The following ANOS1 variants were observed in gnomAD, a reference collection of about 807,000 sequenced individuals.
The protein encoded by ANOS1 is anosmin 1, also known as anosmin-1.
Under a neutral mutation model 59.0 loss-of-function variants are expected in ANOS1, and 6 were observed. That is an observed-to-expected ratio of 0.10 (90% CI 0.06 to 0.20). ANOS1 has a LOEUF of 0.20. ANOS1 is among the 10% of genes least tolerant of loss of function. ANOS1 has a pLI of 1.00. For synonymous variants in ANOS1, 217 were observed against 223.4 expected, an observed-to-expected ratio of 0.97 and a Z score of 0.25; for missense variants, 433 against 542.3, an observed-to-expected ratio of 0.80 and a Z score of 2.00.
intron 3 of ANOS1, among the ~76,000 whole-genome samples, chrX:8,600,930 C>T (rs1391116559): frequency 1.8e-5 from 2 of 112,079 alleles, no homozygotes; most frequent in Non-Finnish European, 3.8e-5. Flanking sequence ...GTGGCTCACG[C>T]CTGTAATCCC....
chrX:8,711,477 A>C (rs1230539882), intron 1 of ANOS1, among the ~76,000 whole-genome samples: 1 of 113,048 alleles, frequency 8.8e-6, no homozygotes, highest in Non-Finnish European at 1.9e-5. Context: ...GTAAGCTCTC[A>C]GAAAAATTAA....
intron 3 of ANOS1, among the ~76,000 whole-genome samples, chrX:8,618,780 T>C (rs1601982630): frequency 9.0e-6 from 1 of 111,555 alleles, no homozygotes; most frequent in African/African-American, 3.3e-5. Flanking sequence ...TTTTTGAAAA[T>C]AAGAGAACAG....
At chrX:8,566,309 G>A (rs1433046021) in intron 8 of ANOS1, 5 of 705,234 alleles carry the variant, frequency 7.1e-6, no homozygotes, top group South Asian at 7.3e-5. Flanking sequence ...ATACATCATC[G>A]TGCTAGGAAT....
chrX:8,564,086 T>C (rs1930073251), intron 8 of ANOS1, among the ~76,000 whole-genome samples: 1 of 111,499 alleles, frequency 9.0e-6, no homozygotes, highest in African/African-American at 3.3e-5. Context: ...GGTAGAACCC[T>C]GGAGAGCTCC....
intron 2 of ANOS1, among the ~76,000 whole-genome samples, chrX:8,628,528 T>C (rs1284314690): frequency 8.9e-6 from 1 of 111,800 alleles, no homozygotes; most frequent in Non-Finnish European, 1.9e-5. Flanking sequence ...GGGGTTTACC[T>C]TGTGACAACC....
rs767812487 is a variant in ANOS1 at position 8,594,658 on chromosome X, GTATATATATATATA to G, written c.541+2362_541+2375del. Among the ~76,000 whole-genome samples the G allele has an allele frequency of 1.7e-3, 57 of 33,553 alleles. 1 individual carries two copies. The highest frequency in any genetic ancestry group is 4.6e-3 in the Admixed American group (10 of 2,152). 29.1% of individuals were successfully genotyped at this position (33,553 alleles called of 115,157 possible). On this transcript the variant is annotated intron_variant, in intron 4 of 13. Transcript: ENST00000262648. ...AAAAAATCTACATATATATATATGT[GTATATATATATATA>G]TATATATATATATATATATATATAT...
At chrX:8,563,967 G>A (rs1177906475) in intron 8 of ANOS1, among the ~76,000 whole-genome samples, 1 of 111,485 alleles carries the variant, frequency 9.0e-6, no homozygotes, top group Non-Finnish European at 1.9e-5. Flanking sequence ...TTCAGATACA[G>A]GGAATGACAG....
intron 2 of ANOS1, among the ~76,000 whole-genome samples, chrX:8,624,011 CTTTTTTT>C (rs566769185): frequency 2.9e-5 from 2 of 69,414 alleles, no homozygotes; most frequent in Non-Finnish European, 2.8e-5. Flanking sequence ...CTTTTCTTTT[CTTTTTTT>C]TTTTTTTTTT....
intron 8 of ANOS1, chrX:8,565,896 G>A (rs1437890246): frequency 6.3e-6 from 3 of 479,445 alleles, no homozygotes; most frequent in Non-Finnish European, 7.7e-6. Flanking sequence ...GGAGTTCAAA[G>A]AGTGGTCAGG....
intron 2 of ANOS1, among the ~76,000 whole-genome samples, chrX:8,668,416 T>TAC (rs1442711252): frequency 1.3e-5 from 1 of 74,431 alleles, no homozygotes; most frequent in African/African-American, 5.6e-5. Flanking sequence ...TATATATATA[T>TAC]ATATATATAT....
chrX:8,729,343 G>C (rs1039854433), intron 1 of ANOS1, among the ~76,000 whole-genome samples: 1 of 104,916 alleles, frequency 9.5e-6, no homozygotes, highest in African/African-American at 3.5e-5. Context: ...AAGACTTCCC[G>C]TAGCCCAGTC....
intron 2 of ANOS1, among the ~76,000 whole-genome samples, chrX:8,659,538 T>TTTCCTTCCTTCC (rs200912660): frequency 1.1e-5 from 1 of 94,819 alleles, no homozygotes; most frequent in African/African-American, 4.5e-5. Context: ...TTTCTTTCTC[T>TTTCCTTCCTTCC]TTCCTTCCTT....
intron 2 of ANOS1, among the ~76,000 whole-genome samples, chrX:8,652,773 C>G (rs16985089): frequency 0.063 from 7,012 of 111,482 alleles, 270 homozygotes; most frequent in African/African-American, 0.14. Context: ...CAGGGTCCAA[C>G]AAATTGCATG....
chrX:8,642,763 C>T (rs1205722223), intron 2 of ANOS1, among the ~76,000 whole-genome samples: 2 of 111,098 alleles, frequency 1.8e-5, no homozygotes, highest in African/African-American at 6.5e-5. Flanking sequence ...TGGTCCTCCC[C>T]TCTCCCACAC....
intron 2 of ANOS1, among the ~76,000 whole-genome samples, chrX:8,638,711 T>C (rs1290682388): frequency 8.9e-6 from 1 of 111,971 alleles, no homozygotes; most frequent in Non-Finnish European, 1.9e-5. Flanking sequence ...ATAGATTTGA[T>C]CTTTTTAAGC....
intron 1 of ANOS1, among the ~76,000 whole-genome samples, chrX:8,724,687 A>G (rs192902791): frequency 8.9e-6 from 1 of 112,367 alleles, no homozygotes; most frequent in Admixed American, 9.4e-5. Context: ...GTGGGGTAAG[A>G]GGCAAGAGGT....
chrX:8,725,869 T>C (rs1486562685), intron 1 of ANOS1, among the ~76,000 whole-genome samples: 2 of 109,077 alleles, frequency 1.8e-5, no homozygotes, highest in Admixed American at 1.0e-4. Context: ...TTAAATCATG[T>C]TCAAAGAGAA....
At chrX:8,628,278 A>C (rs916736449) in intron 2 of ANOS1, among the ~76,000 whole-genome samples, 5 of 111,965 alleles carry the variant, frequency 4.5e-5, no homozygotes, top group African/African-American at 1.6e-4. Context: ...AGAACTCCCC[A>C]CCCTTTTCCC....
intron 2 of ANOS1, among the ~76,000 whole-genome samples, chrX:8,630,649 C>T (rs1047084456): frequency 9.0e-6 from 1 of 111,110 alleles, no homozygotes; most frequent in Non-Finnish European, 1.9e-5. Flanking sequence ...TGTCTGATTG[C>T]TAGTAGGAGA....
Sources: gnomAD v4.1 joint callset for allele counts (sites outside exome capture counted in the v4.1 genomes callset) on GRCh38, gnomAD v4.1.1 for gene constraint, MANE v1.5 for transcripts, NCBI Gene and HGNC (gene_info 2026-07-23, HGNC 2026-07-21) for gene names.